The following DNAJB4 variants were observed in gnomAD, a reference collection of about 807,000 sequenced individuals.
DNAJB4 encodes DnaJ heat shock protein family (Hsp40) member B4, also known as dnaJ homolog subfamily B member 4.
DNAJB4 carries 10 observed loss-of-function variants against 26.6 expected under a neutral mutation model. That is an observed-to-expected ratio of 0.38 (90% CI 0.23 to 0.64). The LOEUF (loss-of-function observed/expected upper bound fraction) is 0.64, where lower values mean the gene tolerates loss of function less well. DNAJB4 is among the 30% of genes least tolerant of loss of function. The probability of loss-of-function intolerance (pLI) is 0.58; values close to 1 mark genes in which losing one functional copy is unlikely to be tolerated. For missense variants in DNAJB4, 328 were observed against 408.2 expected (o/e 0.80, Z 1.69); for synonymous variants, 136 against 134.8 (o/e 1.01, Z -0.06).
At chr1:78,015,751 G>A (rs1007822374) in intron 2 of DNAJB4, among the ~76,000 whole-genome samples, 1 of 151,796 alleles carries the variant, frequency 6.6e-6, no homozygotes, top group African/African-American at 2.4e-5. Context: ...ATTTCTCCAT[G>A]TTGGTGAGGC....
In DNAJB4 at chr1:78,012,213, T is replaced by C. The variant is rs371321050; in HGVS notation, c.212-838T>C. Among the ~76,000 whole-genome samples, 797 of 131,636 alleles carry C rather than the reference T, an allele frequency of 6.1e-3. 6 individuals carry two copies. The highest frequency in any genetic ancestry group is 0.021 in the African/African-American group (741 of 35,724). 86.4% of individuals were successfully genotyped at this position (131,636 alleles called of 152,430 possible). On this transcript the variant is annotated intron_variant, in intron 1 of 2. Transcript: ENST00000370763. ...AGTCTCACACTGTTGCCCGGGCTGG[T>C]GTGCAGTGGTGCGATCTCAGCTCGC... is the stretch of plus-strand genomic sequence containing the variant.
In DNAJB4 at chr1:78,005,229, A is replaced by G. The variant is rs1660298659; in HGVS notation, c.119A>G (p.Gln40Arg). 2 of 1,614,130 alleles carry G rather than the reference A, an allele frequency of 1.2e-6. No individual in the cohort carries two copies. Among genetic ancestry groups the G allele is most frequent in the Non-Finnish European group, 1.7e-6 (2 of 1,179,978 alleles). Residue 40 changes from glutamine to arginine, a missense_variant, in exon 1 of 3, where the codon CAG becomes CGG. Gln to Arg is a conservative substitution (Grantham distance 43). Coordinates refer to ENST00000370763, the MANE Select transcript of DNAJB4 (RefSeq NM_007034.5). ...KFHPDKNKSP[Q>R]AEEKFKEVAE... is the part of the protein sequence containing the mutation. The stretch of plus-strand genomic sequence containing the variant: ...CATCCGGACAAGAACAAATCTCCTC[A>G]GGCAGAGGAAAAATTTAAAGAGGTC...
chr1:77,984,909 C>T, intron 1 of DNAJB4, among the ~76,000 whole-genome samples: 1 of 152,228 alleles, frequency 6.6e-6, no homozygotes, highest in Non-Finnish European at 1.5e-5. Context: ...TTGGAGGAAA[C>T]CATAACACAG....
intron 1 of DNAJB4, among the ~76,000 whole-genome samples, chr1:77,999,613 C>T (rs1227511781): frequency 6.6e-6 from 1 of 152,070 alleles, no homozygotes; most frequent in Non-Finnish European, 1.5e-5. Context: ...TGTCAATAAA[C>T]ATCCAAGTGG....
intron 1 of DNAJB4, among the ~76,000 whole-genome samples, chr1:77,986,138 G>A (rs568222980): frequency 6.6e-6 from 1 of 152,210 alleles, no homozygotes; most frequent in African/African-American, 2.4e-5. Flanking sequence ...CATCCCAATT[G>A]TCAGCCTGAT....
At chr1:78,015,452 T>C (rs1434213839) in intron 2 of DNAJB4, among the ~76,000 whole-genome samples, 1 of 6,812 alleles carries the variant, frequency 1.5e-4, no homozygotes, top group East Asian at 3.6e-3. Flanking sequence ...TTCTTCTTCT[T>C]TTTTTTTTTT....
chr1:78,007,359 T>C (rs557684722), intron 1 of DNAJB4, among the ~76,000 whole-genome samples: 3 of 152,236 alleles, frequency 2.0e-5, no homozygotes, highest in Admixed American at 2.0e-4. Flanking sequence ...AGACAGGCGA[T>C]CACCTGAGGT....
intron 1 of DNAJB4, among the ~76,000 whole-genome samples, chr1:77,985,237 C>T (rs955087782): frequency 6.6e-6 from 1 of 152,078 alleles, no homozygotes; most frequent in Non-Finnish European, 1.5e-5. Flanking sequence ...AGATAGAAAA[C>T]TCATTTGGTA....
At chr1:78,010,408 T>A (rs1660437850) in intron 1 of DNAJB4, among the ~76,000 whole-genome samples, 1 of 152,186 alleles carries the variant, frequency 6.6e-6, no homozygotes, top group African/African-American at 2.4e-5. Context: ...CCATTACCTT[T>A]TTAACATTTG....
chr1:78,007,974 T>C (rs1660374741), intron 1 of DNAJB4, among the ~76,000 whole-genome samples: 1 of 152,206 alleles, frequency 6.6e-6, no homozygotes, highest in Non-Finnish European at 1.5e-5. Flanking sequence ...ATGCTAAATT[T>C]ATGTATTTAG....
At chr1:77,983,066 TTC>T in intron 1 of DNAJB4, among the ~76,000 whole-genome samples, 3 of 152,262 alleles carry the variant, frequency 2.0e-5, no homozygotes, top group East Asian at 3.9e-4. Context: ...TCGTGGGTGT[TTC>T]TCGAAGAGGG....
chr1:77,988,099 A>G (rs1281223747), intron 1 of DNAJB4, among the ~76,000 whole-genome samples: 2 of 140,214 alleles, frequency 1.4e-5, no homozygotes, highest in African/African-American at 5.3e-5. Flanking sequence ...ATCAGAGCTC[A>G]CTGTAACCTC....
At chr1:77,991,182 A>G (rs1328352397) in intron 1 of DNAJB4, among the ~76,000 whole-genome samples, 6 of 152,158 alleles carry the variant, frequency 3.9e-5, no homozygotes, top group Non-Finnish European at 1.5e-5. Context: ...TTTGCTTTAT[A>G]TATAACAAAT....
rs1311653382 is a variant in DNAJB4 at position 78,005,114 on chromosome 1, G to A, written c.4G>A (p.Gly2Arg). The A allele has an allele frequency of 6.2e-7, 1 of 1,612,882 alleles. No homozygotes were observed. The highest frequency in any genetic ancestry group is 1.7e-5 in the Admixed American group (1 of 59,714). Reference protein sequence around the residue: MGKDYYCILGIE... With the variant: MRKDYYCILGIE... ...AGTTAATTTCAAGGCATTCGAAATGGGGAAAGACTATTATTGCATTTTGGG... is the reference window on the plus strand; with the variant it reads ...AGTTAATTTCAAGGCATTCGAAATGAGGAAAGACTATTATTGCATTTTGGG... Residue 2 changes from glycine to arginine, a missense_variant, in exon 1 of 3, where the codon GGG becomes AGG. Physicochemically the swap from Gly to Arg is moderately radical, Grantham distance 125 (BLOSUM62 -2). Coordinates refer to ENST00000370763, the MANE Select transcript of DNAJB4 (RefSeq NM_007034.5).
intron 1 of DNAJB4, among the ~76,000 whole-genome samples, chr1:78,010,101 C>T (rs1660430177): frequency 6.6e-6 from 1 of 152,090 alleles, no homozygotes; most frequent in Non-Finnish European, 1.5e-5. Flanking sequence ...ACCGAATTGC[C>T]CTTTTTGGCA....
intron 1 of DNAJB4, among the ~76,000 whole-genome samples, chr1:77,985,231 A>G (rs1011667378): frequency 3.3e-5 from 5 of 152,206 alleles, no homozygotes; most frequent in South Asian, 4.1e-4. Flanking sequence ...GGTACAAGAT[A>G]GAAAACTCAT....
Position 78,012,154 on chromosome 1 carries a change from C to CTTTTTTTTTTTTTTTTTTT in DNAJB4, c.212-893_212-892insTTTTTTTTTTTTTTTTTTT, listed in dbSNP as rs1324763074. ...CCCAGTTTTATTTTCTTTTTCTTTT[C>CTTTTTTTTTTTTTTTTTTT]TTTTCTTTTTTTTTTTTTTTTTTTT... On this transcript the variant is annotated intron_variant, in intron 1 of 2. Coordinates refer to ENST00000370763, the MANE Select transcript of DNAJB4 (RefSeq NM_007034.5). 4.3e-5 allele frequency among the ~76,000 whole-genome samples: 3 copies of CTTTTTTTTTTTTTTTTTTT among 69,348 alleles called. 1 individual carries two copies. The highest frequency in any genetic ancestry group is 5.0e-4 in the East Asian group (1 of 2,018). The allele number at this position is 69,348 out of a possible 152,430, so 45.5% of individuals were successfully genotyped here. A position where few individuals can be genotyped will look rare whatever the true frequency, so the allele number is the denominator to read the frequency against.
At chr1:78,000,093 T>C (rs1660155570), upstream of DNAJB4, among the ~76,000 whole-genome samples, 1 of 152,220 alleles carries the variant, frequency 6.6e-6, no homozygotes, top group Non-Finnish European at 1.5e-5. Context: ...TAGCAAATAT[T>C]AACTGGAATA....
At chr1:77,981,953 A>G (rs903094104) in intron 1 of DNAJB4, among the ~76,000 whole-genome samples, 4 of 152,216 alleles carry the variant, frequency 2.6e-5, no homozygotes, top group Admixed American at 2.6e-4. Flanking sequence ...ATTAATTTTT[A>G]GAGAAAAATT....
Sources: gnomAD v4.1 joint callset for allele counts (sites outside exome capture counted in the v4.1 genomes callset) on GRCh38, gnomAD v4.1.1 for gene constraint, MANE v1.5 for transcripts, NCBI Gene and HGNC (gene_info 2026-07-23, HGNC 2026-07-21) for gene names.